The following KDM2B variants were observed in gnomAD, a reference collection of about 807,000 sequenced individuals.
The protein encoded by KDM2B is lysine-specific demethylase 2B.
KDM2B carries 26 observed loss-of-function variants against 150.0 expected under a neutral mutation model. That is an observed-to-expected ratio of 0.17 (90% CI 0.13 to 0.24). The LOEUF (loss-of-function observed/expected upper bound fraction) is 0.24. Among genes scored for constraint, KDM2B ranks in the 10% least tolerant of loss-of-function variants. KDM2B has a pLI of 1.00. For missense variants in KDM2B, 1,265 were observed against 1,816.9 expected, an observed-to-expected ratio of 0.70 and a Z score of 5.52; for synonymous variants, 734 against 729.5, an observed-to-expected ratio of 1.01 and a Z score of -0.10.
At position 121,453,868 on chromosome 12, in the gene KDM2B, C is replaced by T. The variant is rs782719648; in HGVS notation, c.1735-524G>A. Among the ~76,000 whole-genome samples, 1 of 152,176 alleles carries T rather than the reference C, an allele frequency of 6.6e-6. No homozygotes were observed. Among genetic ancestry groups the T allele is most frequent in the African/African-American group, 2.4e-5 (1 of 41,430 alleles). ...CCCTAGGAGAGGACGACAGAGGGCG[C>T]GTGCTTCTTGCCGCAGCACACAGCT... On this transcript the variant is annotated intron_variant, in intron 12 of 22. Transcript: ENST00000377071. The surrounding 1 kb of genome is among the most constrained non-coding windows in gnomAD (Gnocchi z 6.4).
intron 14 of KDM2B, 178 bp from the exon 15 acceptor site, chr12:121,444,714 G>A: frequency 3.1e-6 from 2 of 635,732 alleles, no homozygotes; most frequent in South Asian, 1.8e-5. Context: ...GGGCAGCTGT[G>A]GATCCAGGCC....
intron 4 of KDM2B, among the ~76,000 whole-genome samples, chr12:121,563,996 T>C (rs1462832485): frequency 6.6e-6 from 1 of 152,028 alleles, no homozygotes; most frequent in African/African-American, 2.4e-5. Context: ...GCACCTGTAG[T>C]CCCAGCTACT....
chr12:121,453,867 G>A lies in KDM2B; in HGVS notation c.1735-523C>T, dbSNP rs1566284037. Among the ~76,000 whole-genome samples the A allele has an allele frequency of 1.3e-5, 2 of 152,174 alleles. No individual in the cohort carries two copies. Among genetic ancestry groups the A allele is most frequent in the Non-Finnish European group, 2.9e-5 (2 of 68,032 alleles). ...GCCCTAGGAGAGGACGACAGAGGGC[G>A]CGTGCTTCTTGCCGCAGCACACAGC... On this transcript the variant is annotated intron_variant, in intron 12 of 22. Transcript: ENST00000377071. The surrounding 1 kb of genome is among the most constrained non-coding windows in gnomAD (Gnocchi z 6.4).
At chr12:121,413,342 T>G in the KDM2B span, among the ~76,000 whole-genome samples, 1 of 151,588 alleles carries the variant, frequency 6.6e-6, no homozygotes, top group Non-Finnish European at 1.5e-5. Flanking sequence ...TTCATGCTTT[T>G]AAGCACACCA....
chr12:121,462,956 G>C (rs1215064680), intron 12 of KDM2B, among the ~76,000 whole-genome samples: 1 of 150,356 alleles, frequency 6.7e-6, no homozygotes, highest in African/African-American at 2.5e-5. Context: ...ACAAAAATTA[G>C]CCAGGTGTGA....
chr12:121,470,392 T>A (rs1880646442), intron 12 of KDM2B: 1 of 152,212 alleles, frequency 6.6e-6, no homozygotes, highest in African/African-American at 2.4e-5. Context: ...ACCCCTTCAC[T>A]TCACAGGTGA....
Position 121,534,567 on chromosome 12 carries a change from C to T in KDM2B, c.707G>A (p.Gly236Asp). Reference protein sequence around the residue: ...VKKYCLMSVKGCFTDFHIDFG... With the variant: ...VKKYCLMSVKDCFTDFHIDFG... ...GTCGATGTGGAAGTCGGTGAAACAA[C>T]CTTTCACGCTCATCAGACAGTACCT... Residue 236 changes from glycine to aspartate, a missense_variant, in exon 7 of 23, where the codon GGT (glycine) becomes GAT (aspartate). Transcript: ENST00000377071. The T allele has an allele frequency of 6.2e-7, 1 of 1,613,966 alleles. No homozygotes were observed. Among genetic ancestry groups the T allele is most frequent in the Non-Finnish European group, 8.5e-7 (1 of 1,179,846 alleles).
chr12:121,480,433 G>A (rs566565521), intron 12 of KDM2B, among the ~76,000 whole-genome samples: 2 of 152,044 alleles, frequency 1.3e-5, no homozygotes, highest in Admixed American at 1.3e-4. Flanking sequence ...AGAAAAGTCT[G>A]TATTAAAAGA....
intron 22 of KDM2B, among the ~76,000 whole-genome samples, chr12:121,435,720 G>A (rs1203960087): frequency 6.6e-6 from 1 of 152,148 alleles, no homozygotes; most frequent in African/African-American, 2.4e-5. Context: ...CCCCATACTT[G>A]ACCATACCAA....
At chr12:121,527,527 G>A (rs1423673571) in intron 8 of KDM2B, among the ~76,000 whole-genome samples, 2 of 150,226 alleles carry the variant, frequency 1.3e-5, no homozygotes, top group African/African-American at 2.4e-5. Flanking sequence ...GGTGGCAGGC[G>A]CCTGTAGTCC....
chr12:121,410,706 A>C, the KDM2B span, among the ~76,000 whole-genome samples: 1 of 152,100 alleles, frequency 6.6e-6, no homozygotes, highest in Admixed American at 6.6e-5. Flanking sequence ...CTTCAATATG[A>C]TGCTAAGGTT....
chr12:121,580,663 T>G (rs1311719973), intron 1 of KDM2B, 123 bp downstream of exon 1: 37 of 1,366,452 alleles, frequency 2.7e-5, no homozygotes, highest in Non-Finnish European at 3.5e-5. Context: ...AAGCCGAGCA[T>G]GCTGGCGTGA....
intron 12 of KDM2B, among the ~76,000 whole-genome samples, chr12:121,476,046 G>C (rs1207394736): frequency 1.5e-4 from 23 of 151,934 alleles, no homozygotes; most frequent in African/African-American, 4.6e-4. Flanking sequence ...TGTAATCCCA[G>C]CACTTTGGGA....
rs782755685 is a variant in KDM2B, at chr12:121,513,310, G to A, written c.1140C>T (p.Leu380=). Residue 380 remains leucine (L), a synonymous_variant, in exon 10 of 23, where the codon CTC becomes CTT. Coordinates refer to ENST00000377071, the MANE Select transcript of KDM2B (RefSeq NM_032590.5). This position sits in a 1 kb window ranked among gnomAD's most constrained non-coding sequence, Gnocchi z 5.0. ...TCGACTCCCTCTGGTATTCCTGAGT[G>A]AGGTGGGAGCGCTGGGTCACACAGT... ...YVYCVTQRSH[L]TQEYQRESML... is the part of the protein sequence containing the mutation. The A allele has an allele frequency of 3.1e-6, 5 of 1,613,636 alleles. No individual in the cohort carries two copies. The highest frequency in any genetic ancestry group is 4.2e-6 in the Non-Finnish European group (5 of 1,179,892).
At chr12:121,418,011 G>A in the KDM2B span, 1 of 1,269,792 alleles carries the variant, frequency 7.9e-7, no homozygotes, top group Non-Finnish European at 1.1e-6. Context: ...TAAACTTCAA[G>A]TCATGTGCTG....
chr12:121,517,392 G>A (rs193165555), intron 9 of KDM2B, among the ~76,000 whole-genome samples: 14 of 152,056 alleles, frequency 9.2e-5, no homozygotes, highest in African/African-American at 3.4e-4. Context: ...GTAAGACACA[G>A]CTTCCTAGGG....
chr12:121,478,354 G>A (rs1391089980), intron 12 of KDM2B, among the ~76,000 whole-genome samples: 1 of 134,098 alleles, frequency 7.5e-6, no homozygotes, highest in East Asian at 2.2e-4. Flanking sequence ...CCACCCTCAA[G>A]TAGATCCTTT....
chr12:121,574,452 GA>G, intron 4 of KDM2B, 94 bp downstream of exon 4: 2 of 1,172,630 alleles, frequency 1.7e-6, no homozygotes, highest in Non-Finnish European at 1.3e-6. Flanking sequence ...TTTGTTTTGA[GA>G]GGCAGTTAAA....
chr12:121,447,535 A>AC (rs71453560), intron 13 of KDM2B, among the ~76,000 whole-genome samples: 1 of 152,068 alleles, frequency 6.6e-6, no homozygotes, highest in Admixed American at 6.6e-5. Context: ...AAACCACCGC[A>AC]CCCGGCAATT....
Sources: gnomAD v4.1 joint callset for allele counts (sites outside exome capture counted in the v4.1 genomes callset) on GRCh38, gnomAD v4.1.1 for gene constraint, Gnocchi (gnomAD v3.1) non-coding constraint, MANE v1.5 for transcripts, NCBI Gene and HGNC (gene_info 2026-07-23, HGNC 2026-07-21) for gene names.